Variants in CTNNA3 observed in about 807,000 individuals in gnomAD.
CTNNA3 encodes catenin alpha 3.
A neutral mutation model predicts 95.7 loss-of-function variants in CTNNA3; 76 were observed. The observed-to-expected ratio is 0.79, with a 90% CI of 0.66 to 0.96. CTNNA3 has a LOEUF of 0.96. Among genes scored for constraint, CTNNA3 ranks in the 40% least tolerant of loss-of-function variants. The probability of loss-of-function intolerance (pLI) is 0.00; values close to 1 mark genes in which losing one functional copy is unlikely to be tolerated. For synonymous variants in CTNNA3, 431 were observed against 374.4 expected, an observed-to-expected ratio of 1.15 and a Z score of -1.74; for missense variants, 1,191 against 1,089.8, an observed-to-expected ratio of 1.09 and a Z score of -1.31.
chr10:67,700,536 C>T (rs910144189), upstream of CTNNA3, among the ~76,000 whole-genome samples: 1 of 152,164 alleles, frequency 6.6e-6, no homozygotes, highest in Non-Finnish European at 1.5e-5. Flanking sequence ...GGACCTCTAG[C>T]AAACTCCAAC....
chr10:66,663,325 G>A (rs1846327952), intron 9 of CTNNA3, among the ~76,000 whole-genome samples: 1 of 151,838 alleles, frequency 6.6e-6, no homozygotes, highest in South Asian at 2.1e-4. Context: ...TTCCCCTTAT[G>A]TCCCTTTCAC....
At chr10:67,164,892 G>A (rs1420349514) in intron 7 of CTNNA3, among the ~76,000 whole-genome samples, 1 of 152,172 alleles carries the variant, frequency 6.6e-6, no homozygotes, top group Non-Finnish European at 1.5e-5. Flanking sequence ...GTTGGTCAGA[G>A]TGTTGAATAA....
chr10:66,447,522 A>AT (rs1333344424), intron 11 of CTNNA3, among the ~76,000 whole-genome samples: 4 of 150,730 alleles, frequency 2.7e-5, no homozygotes, highest in Non-Finnish European at 5.9e-5. Flanking sequence ...ATAATGCCAC[A>AT]TATCTACAAC....
intron 7 of CTNNA3, among the ~76,000 whole-genome samples, chr10:66,903,145 C>T (rs944118313): frequency 2.0e-5 from 3 of 152,034 alleles, no homozygotes; most frequent in Non-Finnish European, 2.9e-5. Flanking sequence ...ACTGGCAAAC[C>T]GAATCCAGCA....
At chr10:67,595,974 G>T (rs570701660) in intron 3 of CTNNA3, among the ~76,000 whole-genome samples, 1 of 151,962 alleles carries the variant, frequency 6.6e-6, no homozygotes, top group Non-Finnish European at 1.5e-5. Context: ...TTTTCCATTT[G>T]CTTGGTAAAT....
intron 16 of CTNNA3, among the ~76,000 whole-genome samples, chr10:65,981,353 A>T (rs539664719): frequency 1.6e-4 from 24 of 152,246 alleles, no homozygotes; most frequent in African/African-American, 5.5e-4. Context: ...AACAGGCGAC[A>T]GAAACAAATG....
intron 7 of CTNNA3, among the ~76,000 whole-genome samples, chr10:67,133,128 A>G (rs1860103833): frequency 6.6e-6 from 1 of 151,626 alleles, no homozygotes; most frequent in African/African-American, 2.4e-5. Flanking sequence ...GACCTCAAAT[A>G]CCCTAACTTG....
intron 3 of CTNNA3, among the ~76,000 whole-genome samples, chr10:67,554,042 G>A (rs1379390553): frequency 6.6e-6 from 1 of 152,114 alleles, no homozygotes; most frequent in Non-Finnish European, 1.5e-5. Context: ...ACTTTGCTCA[G>A]AATGATGGTT....
rs139621040 is a variant in CTNNA3 at position 66,491,174 on chromosome 10, G to A, written c.1531+29443C>T. 4.6e-5 allele frequency among the ~76,000 whole-genome samples: 7 copies of A among 152,180 alleles called. No homozygotes were observed. The East Asian group carries it at 1.2e-3, about 25-fold the overall frequency. ...TCTATTTTATATAGATATTTATGTTGCTCTCAATCCATCTCCTCCATAAAA... is the reference window on the plus strand; with the variant it reads ...TCTATTTTATATAGATATTTATGTTACTCTCAATCCATCTCCTCCATAAAA... On this transcript the variant is annotated intron_variant, in intron 11 of 17. Transcript: ENST00000433211.
At position 67,138,142 on chromosome 10, in the gene CTNNA3, T is replaced by C. The variant is rs79511577; in HGVS notation, c.1047+42175A>G. On this transcript the variant is annotated intron_variant, in intron 7 of 17. Coordinates refer to ENST00000433211, the MANE Select transcript of CTNNA3 (RefSeq NM_013266.4). ...CAAGAAGAAACATTAGATTTATATA[T>C]GTATGGGTGTGAGTGTGTGTGTGTG... Among the ~76,000 whole-genome samples the C allele has an allele frequency of 1.0e-2, 1,521 of 152,154 alleles. 76 individuals are homozygous for C. The East Asian group carries it at 0.14, about 14-fold the overall frequency.
At chr10:66,318,006 T>G (rs10997057) in intron 12 of CTNNA3, among the ~76,000 whole-genome samples, 66,461 of 151,772 alleles carry the variant, frequency 0.44, 15,146 homozygotes, top group Non-Finnish European at 0.5. Flanking sequence ...ATGAAAAAGG[T>G]GGAAAGCATT....
chr10:66,028,704 C>T (rs7474642), intron 15 of CTNNA3, among the ~76,000 whole-genome samples: 1 of 151,748 alleles, frequency 6.6e-6, no homozygotes, highest in Admixed American at 6.6e-5. Flanking sequence ...TGTAACTAAC[C>T]TGCACATTGT....
chr10:67,260,469 A>G (rs1866553850), intron 5 of CTNNA3, among the ~76,000 whole-genome samples: 2 of 152,178 alleles, frequency 1.3e-5, no homozygotes, highest in Admixed American at 6.5e-5. Context: ...ACAGAAAAAA[A>G]TGTAGTAGCT....
At chr10:66,792,288 C>T (rs1841002188) in intron 7 of CTNNA3, among the ~76,000 whole-genome samples, 1 of 152,140 alleles carries the variant, frequency 6.6e-6, no homozygotes, top group South Asian at 2.1e-4. Context: ...TAATATTCCT[C>T]GTATTTCATT....
chr10:66,147,236 G>A (rs1177790318), intron 13 of CTNNA3, among the ~76,000 whole-genome samples: 1 of 152,048 alleles, frequency 6.6e-6, no homozygotes, highest in Non-Finnish European at 1.5e-5. Context: ...TCGGTAATAT[G>A]ATTCAGGGAC....
intron 7 of CTNNA3, among the ~76,000 whole-genome samples, chr10:67,042,446 A>G (rs568169105): frequency 2.6e-5 from 4 of 152,186 alleles, no homozygotes; most frequent in Non-Finnish European, 5.9e-5. Context: ...TGAGTTTTCC[A>G]TGTCTTCTAA....
chr10:66,683,888 C>G lies in CTNNA3; in HGVS notation c.1282-62104G>C, dbSNP rs552709729. Among the ~76,000 whole-genome samples, 3 of 152,116 alleles carry G rather than the reference C, an allele frequency of 2.0e-5. No individual in the cohort carries two copies. In the South Asian group the frequency reaches 6.2e-4, roughly 32 times the overall value. On this transcript the variant is annotated intron_variant, in intron 9 of 17. Transcript: ENST00000433211. ...AAAGGCCACAATAATCAGACAAAAC[C>G]CCCAGCAAAATTGCAAAGGTAGGAT... is the stretch of plus-strand genomic sequence containing the variant.
chr10:67,090,456 G>C (rs80314393), intron 7 of CTNNA3, among the ~76,000 whole-genome samples: 2,356 of 152,190 alleles, frequency 0.015, 60 homozygotes, highest in African/African-American at 0.054. Flanking sequence ...CCTATATTGT[G>C]TTCACCTCTC....
intron 7 of CTNNA3, among the ~76,000 whole-genome samples, chr10:67,075,167 T>C (rs1856680676): frequency 1.4e-5 from 1 of 71,974 alleles, no homozygotes; most frequent in South Asian, 4.5e-4. Flanking sequence ...TCTAAGGATT[T>C]CTGCACACAC....
Sources: allele counts gnomAD v4.1 joint callset (sites outside exome capture counted in the v4.1 genomes callset), GRCh38; gene constraint gnomAD v4.1.1; transcripts MANE v1.5; gene names NCBI Gene and HGNC (gene_info 2026-07-23, HGNC 2026-07-21).